CA10: variants seen among roughly 807,000 people sequenced by gnomAD.
CA10 encodes carbonic anhydrase 10 (inactive).
A neutral mutation model predicts 44.2 loss-of-function variants in CA10; 14 were observed. The ratio of observed to expected loss-of-function variants is 0.32; its 90% CI spans 0.21 to 0.50. The LOEUF (loss-of-function observed/expected upper bound fraction) is 0.50. Ranked by LOEUF, CA10 falls within the 20% of genes least tolerant of loss-of-function variation. The pLI, the probability that CA10 is intolerant of heterozygous loss-of-function variation, is 0.99. For synonymous variants in CA10, 159 were observed against 141.6 expected, an observed-to-expected ratio of 1.12 and a Z score of -0.87; for missense variants, 350 against 409.7, an observed-to-expected ratio of 0.85 and a Z score of 1.26.
At chr17:51,961,197 AC>A (rs1983878789) in intron 2 of CA10, among the ~76,000 whole-genome samples, 1 of 148,616 alleles carries the variant, frequency 6.7e-6, no homozygotes, top group Non-Finnish European at 1.5e-5. Context: ...AAACACACAC[AC>A]ACACACACAC....
intron 4 of CA10, among the ~76,000 whole-genome samples, chr17:51,734,186 G>GC (rs908249821): frequency 3.5e-5 from 5 of 144,384 alleles, no homozygotes; most frequent in Non-Finnish European, 6.1e-5. Context: ...GTTGGGGGGG[G>GC]GGGGTTCCAA....
At chr17:52,043,614 G>A (rs576593773) in intron 2 of CA10, among the ~76,000 whole-genome samples, 1 of 152,052 alleles carries the variant, frequency 6.6e-6, no homozygotes, top group African/African-American at 2.4e-5. Context: ...TTGTGACAGT[G>A]GGCATTCCTC....
At chr17:51,928,636 C>G in intron 3 of CA10, among the ~76,000 whole-genome samples, 1 of 152,254 alleles carries the variant, frequency 6.6e-6, no homozygotes, top group East Asian at 1.9e-4. Context: ...CGTACTGACA[C>G]CCAGCTTGGC....
chr17:51,788,519 AGG>A (rs1012573796), intron 3 of CA10, among the ~76,000 whole-genome samples: 2 of 152,178 alleles, frequency 1.3e-5, no homozygotes, highest in Admixed American at 6.5e-5. Flanking sequence ...TAAATGTTTG[AGG>A]GGGTGGATAT....
At chr17:51,649,940 C>T (rs1417626027) in intron 5 of CA10, among the ~76,000 whole-genome samples, 1 of 150,410 alleles carries the variant, frequency 6.6e-6, no homozygotes, top group Non-Finnish European at 1.5e-5. Context: ...ATATCATAAG[C>T]CATGTAATTC....
intron 2 of CA10, among the ~76,000 whole-genome samples, chr17:51,989,153 C>CTTTT (rs558333341): frequency 5.2e-5 from 7 of 135,148 alleles, no homozygotes; most frequent in African/African-American, 1.9e-4. Flanking sequence ...ATCTCTGTTT[C>CTTTT]TTTTTTTTTT....
At chr17:51,634,849 A>ACATCTTC (rs1912753820) in intron 7 of CA10, among the ~76,000 whole-genome samples, 1 of 152,228 alleles carries the variant, frequency 6.6e-6, no homozygotes, top group Non-Finnish European at 1.5e-5. Flanking sequence ...ATGCATAATG[A>ACATCTTC]CATCTTCCAT....
intron 3 of CA10, among the ~76,000 whole-genome samples, chr17:51,900,826 T>C (rs572755780): frequency 8.7e-4 from 133 of 152,306 alleles, no homozygotes; most frequent in Non-Finnish European, 1.4e-3. Context: ...AATTGTATTA[T>C]AAAATTCTCG....
At chr17:51,679,299 A>G (rs7218974) in intron 4 of CA10, among the ~76,000 whole-genome samples, 90,993 of 148,294 alleles carry the variant, frequency 0.61, 28,151 homozygotes, top group Admixed American at 0.71. Flanking sequence ...TCGCTCTGTC[A>G]CCCAGGCTGG....
chr17:51,962,706 G>C (rs912989008), intron 2 of CA10, among the ~76,000 whole-genome samples: 4 of 152,132 alleles, frequency 2.6e-5, no homozygotes, highest in African/African-American at 7.2e-5. Flanking sequence ...CAGGGAGTGG[G>C]GGGAAAGAGA....
At chr17:52,010,682 G>A (rs1037113780) in intron 2 of CA10, among the ~76,000 whole-genome samples, 2 of 151,872 alleles carry the variant, frequency 1.3e-5, no homozygotes, top group Non-Finnish European at 2.9e-5. Flanking sequence ...CACTACTTGG[G>A]TGATGGGTAC....
chr17:51,666,890 A>G (rs117688867), intron 4 of CA10, among the ~76,000 whole-genome samples: 1,993 of 152,366 alleles, frequency 0.013, 24 homozygotes, highest in Non-Finnish European at 0.02. Flanking sequence ...TAATGAGCAC[A>G]AAACAACTTT....
chr17:52,142,951 T>A (rs925681989), intron 1 of CA10, among the ~76,000 whole-genome samples: 4 of 152,222 alleles, frequency 2.6e-5, no homozygotes, highest in Admixed American at 6.5e-5. Flanking sequence ...TAAACATATT[T>A]CTGCATTTTA....
At chr17:51,652,534 C>T (rs1913611849) in intron 5 of CA10, among the ~76,000 whole-genome samples, 1 of 152,206 alleles carries the variant, frequency 6.6e-6, no homozygotes, top group Non-Finnish European at 1.5e-5. Flanking sequence ...AGCAACATGC[C>T]ATGGATGCCC....
chr17:51,823,904 C>T (rs956483409), intron 3 of CA10, among the ~76,000 whole-genome samples: 1 of 152,180 alleles, frequency 6.6e-6, no homozygotes, highest in African/African-American at 2.4e-5. Context: ...CTCTTTATAA[C>T]CTTTCTCAAA....
chr17:51,862,900 C>A (rs1598087653), intron 3 of CA10, among the ~76,000 whole-genome samples: 1 of 152,056 alleles, frequency 6.6e-6, no homozygotes, highest in African/African-American at 2.4e-5. Context: ...TCATCTAACC[C>A]TAATTATCTA....
chr17:52,138,258 C>T (rs1278231140), intron 1 of CA10, among the ~76,000 whole-genome samples: 1 of 152,164 alleles, frequency 6.6e-6, no homozygotes. Context: ...TCTGATCATT[C>T]TGCCCCTCTT....
intron 1 of CA10, among the ~76,000 whole-genome samples, chr17:52,144,050 G>C (rs908150228): frequency 5.9e-5 from 9 of 152,182 alleles, no homozygotes; most frequent in African/African-American, 2.2e-4. Flanking sequence ...ATCATTTAAA[G>C]AAATCCTTCT....
chr17:51,837,712 A>T (rs1978291888), intron 3 of CA10, among the ~76,000 whole-genome samples: 1 of 152,226 alleles, frequency 6.6e-6, no homozygotes, highest in Non-Finnish European at 1.5e-5. Flanking sequence ...TATGCCAAGT[A>T]TACCTATATG....
Sources: gnomAD v4.1 joint callset for allele counts (sites outside exome capture counted in the v4.1 genomes callset) on GRCh38, gnomAD v4.1.1 for gene constraint, MANE v1.5 for transcripts, NCBI Gene and HGNC (gene_info 2026-07-23, HGNC 2026-07-21) for gene names.